ENPP1: variants seen among roughly 807,000 people sequenced by gnomAD.
ENPP1 encodes the protein ectonucleotide pyrophosphatase/phosphodiesterase family member 1.
Under a neutral mutation model 122.8 loss-of-function variants are expected in ENPP1, and 73 were observed. That is an observed-to-expected ratio of 0.59 (90% CI 0.49 to 0.72). ENPP1 has a LOEUF of 0.72. Ranked by LOEUF, ENPP1 falls within the 30% of genes least tolerant of loss-of-function variation. ENPP1 has a pLI of 0.00. For missense variants in ENPP1, 978 were observed against 1,128.1 expected (o/e 0.87, Z 1.91); for synonymous variants, 367 against 391.6 (o/e 0.94, Z 0.74).
intron 24 of ENPP1, among the ~76,000 whole-genome samples, chr6:131,888,072 G>A (rs1019158778): frequency 6.6e-6 from 1 of 151,922 alleles, no homozygotes; most frequent in Non-Finnish European, 1.5e-5. Context: ...GTGTTGGCCA[G>A]GCTGTTCTCT....
chr6:131,856,616 G>A (rs1781949644), intron 6 of ENPP1, among the ~76,000 whole-genome samples: 1 of 143,558 alleles, frequency 7.0e-6, no homozygotes, highest in African/African-American at 2.9e-5. Context: ...GGTTTTTATG[G>A]TTTTAGGTCT....
At chr6:131,887,738 T>TG (rs1490277330) in intron 24 of ENPP1, among the ~76,000 whole-genome samples, 2 of 148,976 alleles carry the variant, frequency 1.3e-5, no homozygotes, top group East Asian at 3.9e-4. Context: ...TTTTTTTTTT[T>TG]TTTTTTTTAG....
intron 5 of ENPP1, among the ~76,000 whole-genome samples, chr6:131,853,555 C>T (rs973780440): frequency 1.3e-5 from 2 of 151,892 alleles, no homozygotes; most frequent in African/African-American, 2.4e-5. Context: ...TTGTATGGAC[C>T]GTTAAGACTA....
chr6:131,840,991 T>C (rs529885695), intron 1 of ENPP1, among the ~76,000 whole-genome samples: 2 of 152,192 alleles, frequency 1.3e-5, no homozygotes, highest in Non-Finnish European at 2.9e-5. Context: ...TGACTAGTTA[T>C]GTAAAGGGCT....
At chr6:131,838,036 C>T (rs1781698211) in intron 1 of ENPP1, among the ~76,000 whole-genome samples, 1 of 151,992 alleles carries the variant, frequency 6.6e-6, no homozygotes, top group Non-Finnish European at 1.5e-5. Flanking sequence ...AATTCAAGAA[C>T]TCATGAAAGA....
chr6:131,886,929 T>TTC (rs1554205607), intron 24 of ENPP1, among the ~76,000 whole-genome samples: 35 of 139,824 alleles, frequency 2.5e-4, no homozygotes, highest in African/African-American at 6.3e-4. Context: ...CTTTTTTCTT[T>TTC]TTTTTTTTTT....
At chr6:131,844,331 G>A (rs1247155534) in intron 1 of ENPP1, among the ~76,000 whole-genome samples, 3 of 152,158 alleles carry the variant, frequency 2.0e-5, no homozygotes, top group East Asian at 1.9e-4. Flanking sequence ...GAGTAATTGC[G>A]TAAAGTACAA....
At chr6:131,843,263 T>G (rs543073780) in intron 1 of ENPP1, among the ~76,000 whole-genome samples, 57 of 152,334 alleles carry the variant, frequency 3.7e-4, no homozygotes, top group African/African-American at 1.3e-3. Flanking sequence ...AAATTTCATC[T>G]TTTATGGATG....
intron 14 of ENPP1, among the ~76,000 whole-genome samples, chr6:131,872,536 A>G (rs1425636485): frequency 6.6e-6 from 1 of 151,984 alleles, no homozygotes; most frequent in Non-Finnish European, 1.5e-5. Flanking sequence ...CTGCAAGAAA[A>G]CTCTTACAAT....
chr6:131,827,889 C>G, intron 1 of ENPP1: 1 of 1,404,882 alleles, frequency 7.1e-7, no homozygotes, highest in Non-Finnish European at 1.0e-6. Flanking sequence ...GCCTCACTGA[C>G]TGCTCGGCCA....
chr6:131,867,666 T>C (rs1782107320), intron 11 of ENPP1, among the ~76,000 whole-genome samples: 1 of 152,164 alleles, frequency 6.6e-6, no homozygotes, highest in South Asian at 2.1e-4. Flanking sequence ...TGAGCTATTA[T>C]TATTTTGGCT....
chr6:131,877,859 AAAAAAAAATATATAT>A (rs1386584444), intron 18 of ENPP1: 1 of 108,270 alleles, frequency 9.2e-6, no homozygotes, highest in African/African-American at 3.7e-5. Flanking sequence ...AAAAAAAAAA[AAAAAAAAATATATAT>A]ATATATATAT....
intron 11 of ENPP1, among the ~76,000 whole-genome samples, chr6:131,865,985 A>C: frequency 7.1e-6 from 1 of 140,192 alleles, no homozygotes. Context: ...ACAGAGCGGG[A>C]CTCTGTCTCA....
At chr6:131,876,107 C>A (rs1292403519) in intron 17 of ENPP1, among the ~76,000 whole-genome samples, 1 of 152,184 alleles carries the variant, frequency 6.6e-6, no homozygotes, top group African/African-American at 2.4e-5. Context: ...GTGGTCTGCA[C>A]ACCCCCACTG....
At chr6:131,813,032 G>A (rs573069157) in intron 1 of ENPP1, among the ~76,000 whole-genome samples, 1 of 151,882 alleles carries the variant, frequency 6.6e-6, no homozygotes, top group African/African-American at 2.4e-5. Flanking sequence ...GTAGAGACAG[G>A]GTTTCACTTT....
chr6:131,871,408 T>G (rs192163847), intron 13 of ENPP1, among the ~76,000 whole-genome samples: 45 of 152,264 alleles, frequency 3.0e-4, no homozygotes, highest in African/African-American at 1.0e-3. Flanking sequence ...CTCTTTGAAG[T>G]TTCCTCATAC....
At chr6:131,857,185 CTT>C (rs1781958250) in intron 6 of ENPP1, among the ~76,000 whole-genome samples, 1 of 150,702 alleles carries the variant, frequency 6.6e-6, no homozygotes, top group African/African-American at 2.5e-5. Flanking sequence ...AATAGGAACA[CTT>C]TTACACTGTT....
intron 24 of ENPP1, among the ~76,000 whole-genome samples, chr6:131,887,396 T>TA (rs142126611): frequency 5.9e-4 from 80 of 136,128 alleles, no homozygotes; most frequent in African/African-American, 1.6e-3. Context: ...TTTTAGCAAT[T>TA]TTTTTTTTTT....
intron 23 of ENPP1, 47 bp downstream of exon 23, chr6:131,885,110 T>C: frequency 6.3e-7 from 1 of 1,589,424 alleles, no homozygotes; most frequent in Non-Finnish European, 8.6e-7. Flanking sequence ...TACCATCCAG[T>C]AGAAATGGGA....
Sources: allele counts gnomAD v4.1 joint callset (sites outside exome capture counted in the v4.1 genomes callset), GRCh38; gene constraint gnomAD v4.1.1; transcripts MANE v1.5; gene names NCBI Gene and HGNC (gene_info 2026-07-23, HGNC 2026-07-21).